Variants in LUZP2 observed in about 807,000 individuals in gnomAD.
The protein encoded by LUZP2 is leucine zipper protein 2.
LUZP2 carries 52 observed loss-of-function variants against 51.6 expected under a neutral mutation model. That is an observed-to-expected ratio of 1.01 (90% CI 0.81 to 1.27). The LOEUF is 1.27. Ranked by LOEUF, LUZP2 falls within the 50% of genes most tolerant of loss-of-function variation. LUZP2 has a pLI of 0.00. For synonymous variants in LUZP2, 154 were observed against 137.3 expected (o/e 1.12, Z -0.85); for missense variants, 436 against 395.4 (o/e 1.10, Z -0.87).
intron 5 of LUZP2, among the ~76,000 whole-genome samples, chr11:24,816,701 C>A (rs1850193431): frequency 6.6e-6 from 1 of 151,970 alleles, no homozygotes; most frequent in African/African-American, 2.4e-5. Context: ...ATGACAAGCA[C>A]CATGTTAAGT....
intron 5 of LUZP2, among the ~76,000 whole-genome samples, chr11:24,787,731 T>C (rs548770691): frequency 2.8e-4 from 42 of 152,208 alleles, no homozygotes; most frequent in Non-Finnish European, 3.4e-4. Flanking sequence ...AACAGAAGCA[T>C]CAGGTTTATA....
chr11:25,014,507 T>G lies in LUZP2; in HGVS notation c.765+31214T>G, dbSNP rs1434349590. Among the ~76,000 whole-genome samples, 4 of 152,220 alleles carry G rather than the reference T, an allele frequency of 2.6e-5. No homozygotes were observed. In the South Asian group the frequency reaches 6.2e-4, roughly 24 times the overall value. On this transcript the variant is annotated intron_variant, in intron 9 of 11. Transcript: ENST00000336930. ...GCATTTCTCTGATGGCCAGTGATGA[T>G]GAGCATTTTTTCATGTGTCTGTTGG...
intron 5 of LUZP2, among the ~76,000 whole-genome samples, chr11:24,791,682 G>T (rs960632931): frequency 4.6e-5 from 7 of 151,948 alleles, no homozygotes; most frequent in Non-Finnish European, 8.8e-5. Flanking sequence ...GGTTAAATTA[G>T]TTCTTTGATT....
rs1565020297 is a variant in LUZP2 at position 24,602,094 on chromosome 11, A to ATATATGTGTATATGTGTATATATG, written c.62+104795_62+104818dup. 5.0e-4 allele frequency among the ~76,000 whole-genome samples: 64 copies of ATATATGTGTATATGTGTATATATG among 127,576 alleles called. 3 individuals carry two copies. The highest frequency in any genetic ancestry group is 7.6e-4 in the Admixed American group (9 of 11,784). The allele number at this position is 127,576 out of a possible 152,430, so 83.7% of individuals were successfully genotyped here. On this transcript the variant is annotated intron_variant, in intron 1 of 11. Coordinates refer to ENST00000336930, the MANE Select transcript of LUZP2 (RefSeq NM_001009909.4). Reference sequence around the variant, plus strand: ...TATGCGTATATATGTGTATATATGTATATATGTGTATATGTGTATATATGT... The same window carrying ATATATGTGTATATGTGTATATATG: ...TATGCGTATATATGTGTATATATGTATATATGTGTATATGTGTATATATGTATATGTGTATATGTGTATATATGT...
At chr11:24,793,804 A>G (rs1276474583) in intron 5 of LUZP2, among the ~76,000 whole-genome samples, 1 of 152,168 alleles carries the variant, frequency 6.6e-6, no homozygotes, top group African/African-American at 2.4e-5. Flanking sequence ...CTTAGGCAAC[A>G]GCAGCTGCTT....
intron 5 of LUZP2, among the ~76,000 whole-genome samples, chr11:24,854,665 A>G (rs1268875869): frequency 2.8e-5 from 1 of 35,326 alleles, no homozygotes; most frequent in Non-Finnish European, 6.7e-5. Flanking sequence ...TCACTGGGAT[A>G]TGAAAAAAAA....
chr11:24,788,622 A>G (rs1166051534), intron 5 of LUZP2, among the ~76,000 whole-genome samples: 5 of 152,150 alleles, frequency 3.3e-5, no homozygotes, highest in East Asian at 1.9e-4. Context: ...CTGGAAATAT[A>G]TATTCATATA....
chr11:24,801,272 C>T (rs897627989), intron 5 of LUZP2, among the ~76,000 whole-genome samples: 16 of 151,994 alleles, frequency 1.1e-4, no homozygotes, highest in African/African-American at 3.1e-4. Context: ...TTCCAGGAAT[C>T]GATCTGCCTG....
chr11:25,067,822 C>T (rs558711724), intron 10 of LUZP2, among the ~76,000 whole-genome samples: 1 of 151,870 alleles, frequency 6.6e-6, no homozygotes, highest in East Asian at 1.9e-4. Flanking sequence ...TTACTATGTA[C>T]CCGAAGGATT....
rs1565020473 is a variant in LUZP2, at chr11:24,602,148, A to ATGTATATG, written c.62+104850_62+104851insGTGTATAT. ...TATGTATATGTGTATATATGTATAT[A>ATGTATATG]TGTATATATGTATATATGTGTATAT... On this transcript the variant is annotated intron_variant, in intron 1 of 11. Transcript: ENST00000336930. Among the ~76,000 whole-genome samples, 13 of 83,104 alleles carry ATGTATATG rather than the reference A, an allele frequency of 1.6e-4. No homozygotes were observed. In the East Asian group the frequency reaches 2.2e-3, roughly 14 times the overall value. The allele number at this position is 83,104 out of a possible 152,430, so 54.5% of individuals were successfully genotyped here.
At chr11:24,555,958 A>G (rs1851857117) in intron 1 of LUZP2, among the ~76,000 whole-genome samples, 1 of 152,210 alleles carries the variant, frequency 6.6e-6, no homozygotes, top group Non-Finnish European at 1.5e-5. Flanking sequence ...AGTGTGGGCA[A>G]CAGAGCAAGA....
At chr11:24,596,817 A>T (rs1297829448) in intron 1 of LUZP2, among the ~76,000 whole-genome samples, 1 of 152,224 alleles carries the variant, frequency 6.6e-6, no homozygotes, top group Non-Finnish European at 1.5e-5. Context: ...AACTATGTAC[A>T]GTCACAGGAA....
At chr11:24,787,090 A>G (rs1419287319) in intron 5 of LUZP2, among the ~76,000 whole-genome samples, 2 of 152,182 alleles carry the variant, frequency 1.3e-5, no homozygotes, top group Admixed American at 6.6e-5. Flanking sequence ...ATCTCCTGAA[A>G]TGATTTAAAA....
intron 1 of LUZP2, among the ~76,000 whole-genome samples, chr11:24,579,949 G>A (rs34578313): frequency 0.17 from 26,525 of 152,024 alleles, 2,777 homozygotes; most frequent in Middle Eastern, 0.35. Flanking sequence ...CTATGTTCAT[G>A]GAATTTACCT....
In LUZP2 at chr11:24,931,009, C is replaced by T. The variant is rs186472624; in HGVS notation, c.522+16471C>T. Among the ~76,000 whole-genome samples, 343 of 151,944 alleles carry T rather than the reference C, an allele frequency of 2.3e-3. 1 individual carries two copies. The highest frequency in any genetic ancestry group is 7.4e-3 in the African/African-American group (308 of 41,452). ...TGGGTGGATCACGAGGTCAGAAGAT[C>T]GAGACCATCCTGGCCAACATGGTGA... is the stretch of plus-strand genomic sequence containing the variant. On this transcript the variant is annotated intron_variant, in intron 7 of 11. Transcript: ENST00000336930.
At chr11:24,672,158 T>C (rs1465573979) in intron 1 of LUZP2, among the ~76,000 whole-genome samples, 1 of 152,136 alleles carries the variant, frequency 6.6e-6, no homozygotes, top group Non-Finnish European at 1.5e-5. Flanking sequence ...ACTTATATTA[T>C]TATATATTTG....
chr11:24,523,075 G>A (rs1033057618), intron 1 of LUZP2, among the ~76,000 whole-genome samples: 1 of 151,890 alleles, frequency 6.6e-6, no homozygotes, highest in Admixed American at 6.6e-5. Flanking sequence ...TCCTTGACAA[G>A]TTATCCCAAG....
intron 9 of LUZP2, among the ~76,000 whole-genome samples, chr11:25,014,713 T>C (rs1418853582): frequency 1.3e-5 from 2 of 152,212 alleles, no homozygotes; most frequent in Non-Finnish European, 2.9e-5. Context: ...CTGTTCACTC[T>C]GATGGTAGTT....
chr11:25,030,220 C>T (rs1326115970), intron 9 of LUZP2, among the ~76,000 whole-genome samples: 3 of 152,076 alleles, frequency 2.0e-5, no homozygotes, highest in African/African-American at 7.2e-5. Flanking sequence ...ATTTTTGGAA[C>T]TCACATTTTT....
Sources: gnomAD v4.1 joint callset for allele counts (sites outside exome capture counted in the v4.1 genomes callset) on GRCh38, gnomAD v4.1.1 for gene constraint, MANE v1.5 for transcripts, NCBI Gene and HGNC (gene_info 2026-07-23, HGNC 2026-07-21) for gene names.